NWD2: variants seen among roughly 807,000 people sequenced by gnomAD.
NWD2 encodes NACHT and WD repeat domain containing 2.
A neutral mutation model predicts 132.7 loss-of-function variants in NWD2; 37 were observed. The observed-to-expected ratio is 0.28, with a 90% confidence interval of 0.21 to 0.37. The LOEUF (loss-of-function observed/expected upper bound fraction) is 0.37. Among genes scored for constraint, NWD2 ranks in the 10% least tolerant of loss-of-function variants. The pLI is 1.00. For synonymous variants in NWD2, 705 were observed against 803.0 expected (o/e 0.88, Z 2.06); for missense variants, 1,592 against 2,122.4 (o/e 0.75, Z 4.91).
chr4:37,443,891 T>C lies in NWD2; in HGVS notation c.1903T>C (p.Ser635Pro). ...CAAAGACGTCGATGAATCCTCCCTC[T>C]CTGTCACCGTTCATGAAAGTATAGA... ...SHKDVDESSL[S>P]VTVHESIEQL... The change falls in exon 7 of 7, where the codon TCT becomes CCT. Residue 635 changes from serine to proline, a missense_variant. This residue lies in a region of NWD2 where 1,071 missense variants were observed against 1,398.0 expected (regional missense o/e 0.77). Coordinates refer to ENST00000309447, the MANE Select transcript of NWD2 (RefSeq NM_001144990.2). The surrounding 1 kb of genome is among the most constrained non-coding windows in gnomAD (Gnocchi z 4.1). The C allele has an allele frequency of 6.4e-7, 1 of 1,552,366 alleles. No homozygotes were observed. The highest frequency in any genetic ancestry group is 1.2e-5 in the South Asian group (1 of 84,062).
chr4:37,369,273 G>GT (rs957966655), intron 3 of NWD2, among the ~76,000 whole-genome samples: 8 of 151,820 alleles, frequency 5.3e-5, no homozygotes, highest in South Asian at 2.1e-4. Flanking sequence ...TCTGTTTGAG[G>GT]TTTTTTTTAA....
intron 6 of NWD2, among the ~76,000 whole-genome samples, chr4:37,440,166 A>T (rs1553856387): frequency 5.3e-5 from 8 of 151,766 alleles, no homozygotes; most frequent in Non-Finnish European, 1.0e-4. Context: ...AGGGGAATGC[A>T]TCTTTTTTCT....
At chr4:37,346,576 G>T (rs1160723722) in intron 2 of NWD2, among the ~76,000 whole-genome samples, 1 of 152,078 alleles carries the variant, frequency 6.6e-6, no homozygotes, top group Admixed American at 6.5e-5. Flanking sequence ...TATAGTGATT[G>T]GATTGAATCT....
At chr4:37,355,275 A>C (rs560680559) in intron 2 of NWD2, among the ~76,000 whole-genome samples, 3 of 152,180 alleles carry the variant, frequency 2.0e-5, no homozygotes, top group Admixed American at 1.3e-4. Context: ...CAAAATGCTG[A>C]TATTTTCATA....
chr4:37,364,971 CAA>C (rs1011214688), intron 3 of NWD2, among the ~76,000 whole-genome samples: 8 of 152,286 alleles, frequency 5.3e-5, no homozygotes, highest in Non-Finnish European at 8.8e-5. Context: ...AAAGACAAGA[CAA>C]AGTGTGTAGC....
Position 37,439,181 on chromosome 4 carries a change from G to C in NWD2, c.1087G>C (p.Asp363His). 1 of 1,549,968 alleles carries C rather than the reference G, an allele frequency of 6.5e-7. No individual in the cohort carries two copies. The highest frequency in any genetic ancestry group is 8.7e-7 in the Non-Finnish European group (1 of 1,146,110). The change falls in exon 6 of 7, where the codon GAC (aspartate) becomes CAC (histidine). Residue 363 changes from aspartate to histidine, a missense_variant. This residue lies in a region of NWD2 where 1,071 missense variants were observed against 1,398.0 expected (regional missense o/e 0.77). Transcript: ENST00000309447. The surrounding 1 kb of genome is among the most constrained non-coding windows in gnomAD (Gnocchi z 4.5). ...IIQATIQQNF[D>H]TETDTLYDEI... The stretch of plus-strand genomic sequence containing the variant: ...TCAGGCAACGATACAACAGAATTTT[G>C]ACACTGAAACTGATACACTCTATGA...
In NWD2 at chr4:37,444,585, A is replaced by C; in HGVS notation, c.2597A>C (p.Lys866Thr). 1 of 1,551,950 alleles carries C rather than the reference A, an allele frequency of 6.4e-7. No individual in the cohort carries two copies. Among genetic ancestry groups the C allele is most frequent in the South Asian group, 1.2e-5 (1 of 84,056 alleles). Residue 866 changes from lysine to threonine, a missense_variant, in exon 7 of 7, where the codon AAA becomes ACA. Around this residue, in one of 7 missense-constraint regions of NWD2, gnomAD observed 1,071 missense variants for 1,398.0 expected, o/e 0.77. Transcript: ENST00000309447. This position sits in a 1 kb window ranked among gnomAD's most constrained non-coding sequence, Gnocchi z 4.8. ...MNFSWLYTMI[K>T]IGQFDKVLSD... is the part of the protein sequence containing the mutation. ...TTCAGCTGGCTTTATACCATGATCA[A>C]AATTGGCCAGTTTGACAAAGTGCTT... is the stretch of plus-strand genomic sequence containing the variant.
intron 2 of NWD2, among the ~76,000 whole-genome samples, chr4:37,339,590 GCCCATTTGCAGGGGACTACGTGTC>G (rs1271459395): frequency 6.6e-6 from 1 of 152,182 alleles, no homozygotes; most frequent in Admixed American, 6.5e-5. Flanking sequence ...AGAGAGGGTT[GCCCATTTGCAGGGGACTACGTGTC>G]CCCATTGAGT....
At chr4:37,310,620 C>G (rs1179683705) in intron 1 of NWD2, among the ~76,000 whole-genome samples, 1 of 151,646 alleles carries the variant, frequency 6.6e-6, no homozygotes, top group Non-Finnish European at 1.5e-5. Context: ...ATGGTGCTAG[C>G]TGTAGGGATT....
intron 3 of NWD2, among the ~76,000 whole-genome samples, chr4:37,388,083 T>C (rs889090968): frequency 3.9e-5 from 6 of 152,218 alleles, no homozygotes; most frequent in African/African-American, 1.4e-4. Flanking sequence ...GCAATAATAG[T>C]ATCTGATTGA....
intron 2 of NWD2, among the ~76,000 whole-genome samples, chr4:37,340,933 A>G (rs906821316): frequency 6.6e-6 from 1 of 152,226 alleles, no homozygotes; most frequent in Non-Finnish European, 1.5e-5. Flanking sequence ...TGGCAGGATC[A>G]GAATTTGAAC....
chr4:37,292,873 C>T (rs561446121), intron 1 of NWD2, among the ~76,000 whole-genome samples: 3 of 152,240 alleles, frequency 2.0e-5, no homozygotes, highest in African/African-American at 7.2e-5. Context: ...ACTGATTTGA[C>T]AGGAGGTAGA....
intron 3 of NWD2, among the ~76,000 whole-genome samples, chr4:37,403,541 G>C (rs1360307561): frequency 6.6e-6 from 1 of 152,084 alleles, no homozygotes; most frequent in Non-Finnish European, 1.5e-5. Flanking sequence ...CTGAGGAGTG[G>C]GTTCCTGACA....
chr4:37,293,852 T>C (rs1718418325), intron 1 of NWD2, among the ~76,000 whole-genome samples: 2 of 151,070 alleles, frequency 1.3e-5, no homozygotes, highest in Admixed American at 1.3e-4. Flanking sequence ...TGGGTAGTAC[T>C]TAACAAATGT....
intron 3 of NWD2, among the ~76,000 whole-genome samples, chr4:37,392,473 G>T (rs1720696868): frequency 6.6e-6 from 1 of 152,044 alleles, no homozygotes; most frequent in African/African-American, 2.4e-5. Context: ...GCATCTCATG[G>T]TGTCTACCCA....
At chr4:37,427,342 G>A (rs1712034769) in intron 3 of NWD2, among the ~76,000 whole-genome samples, 1 of 152,066 alleles carries the variant, frequency 6.6e-6, no homozygotes, top group Middle Eastern at 3.2e-3. Flanking sequence ...ATAATCACCA[G>A]GTTGGTTACC....
chr4:37,385,451 G>A (rs934902150), intron 3 of NWD2, among the ~76,000 whole-genome samples: 2 of 152,146 alleles, frequency 1.3e-5, no homozygotes, highest in Admixed American at 1.3e-4. Context: ...TCCTGATCCT[G>A]TGAAACTTGC....
intron 1 of NWD2, among the ~76,000 whole-genome samples, chr4:37,245,879 T>G (rs1307582247): frequency 6.6e-6 from 1 of 152,198 alleles, no homozygotes; most frequent in East Asian, 1.9e-4. Context: ...CTCAGTCATG[T>G]TCCTGCTTAA....
At chr4:37,358,223 C>G (rs1043263928) in intron 3 of NWD2, among the ~76,000 whole-genome samples, 8 of 151,978 alleles carry the variant, frequency 5.3e-5, no homozygotes, top group Non-Finnish European at 8.8e-5. Flanking sequence ...GTGTTCTGAG[C>G]AGAGGAATGA....
Sources: allele counts gnomAD v4.1 joint callset (sites outside exome capture counted in the v4.1 genomes callset), GRCh38; gene constraint gnomAD v4.1.1; regional missense constraint gnomAD v4.1.1; non-coding constraint Gnocchi (gnomAD v3.1); transcripts MANE v1.5; gene names NCBI Gene and HGNC (gene_info 2026-07-23, HGNC 2026-07-21).